The following KLHL1 variants were observed in gnomAD, a reference collection of about 807,000 sequenced individuals.
The protein encoded by KLHL1 is kelch-like protein 1.
KLHL1 carries 47 observed loss-of-function variants against 77.7 expected under a neutral mutation model. That is an observed-to-expected ratio of 0.60 (90% CI 0.48 to 0.77). KLHL1 has a LOEUF of 0.77. Ranked by LOEUF, KLHL1 falls within the 30% of genes least tolerant of loss-of-function variation. The pLI, the probability that KLHL1 is intolerant of heterozygous loss-of-function variation, is 0.00. For missense variants in KLHL1, 925 were observed against 910.8 expected (o/e 1.02, Z -0.20); for synonymous variants, 360 against 325.2 (o/e 1.11, Z -1.15).
rs1285308178 is a variant in KLHL1 at position 70,086,600 on chromosome 13, AAGAAAGAAAG to A, written c.497+20593_497+20602del. Among the ~76,000 whole-genome samples the A allele has an allele frequency of 1.3e-3, 51 of 37,994 alleles. 3 individuals carry two copies. Among genetic ancestry groups the A allele is most frequent in the African/African-American group, 3.2e-3 (36 of 11,162 alleles). The allele number at this position is 37,994 out of a possible 152,430, so 24.9% of individuals were successfully genotyped here. ...AAAAAAAAAAAAAAAAAAAGAAAGA[AAGAAAGAAAG>A]AAAGAAAGAAAGAAAGAAAGAAAAA... is the stretch of plus-strand genomic sequence containing the variant. On this transcript the variant is annotated intron_variant, in intron 1 of 10. Coordinates refer to ENST00000377844, the MANE Select transcript of KLHL1 (RefSeq NM_020866.3).
At chr13:69,780,135 C>A (rs920613172) in intron 7 of KLHL1, among the ~76,000 whole-genome samples, 1 of 152,070 alleles carries the variant, frequency 6.6e-6, no homozygotes, top group Non-Finnish European at 1.5e-5. Flanking sequence ...AATCAGATAT[C>A]CATAAGTATA....
chr13:69,883,706 A>T (rs552097178), intron 4 of KLHL1, among the ~76,000 whole-genome samples: 36 of 152,264 alleles, frequency 2.4e-4, no homozygotes, highest in Non-Finnish European at 3.8e-4. Flanking sequence ...TAATCTCTGT[A>T]GAGAAAAACA....
At chr13:69,815,657 T>C (rs1186248742) in intron 6 of KLHL1, among the ~76,000 whole-genome samples, 1 of 152,084 alleles carries the variant, frequency 6.6e-6, no homozygotes, top group African/African-American at 2.4e-5. Flanking sequence ...AACCTCAGCA[T>C]CACGCAATAT....
chr13:69,857,652 G>A (rs112891018), intron 5 of KLHL1, among the ~76,000 whole-genome samples: 14 of 152,098 alleles, frequency 9.2e-5, no homozygotes, highest in African/African-American at 3.4e-4. Flanking sequence ...TATAAAAGAT[G>A]TATCATAAGT....
chr13:69,966,722 A>C (rs1298205152), intron 2 of KLHL1, among the ~76,000 whole-genome samples: 1 of 152,088 alleles, frequency 6.6e-6, no homozygotes, highest in African/African-American at 2.4e-5. Flanking sequence ...AATAATGTAC[A>C]TTGTACCCAT....
intron 4 of KLHL1, among the ~76,000 whole-genome samples, chr13:69,911,543 C>A (rs901182584): frequency 7.0e-6 from 1 of 143,860 alleles, no homozygotes; most frequent in African/African-American, 2.6e-5. Flanking sequence ...ATCTTGGCTG[C>A]AGCTAGGTAT....
At chr13:69,802,319 A>G (rs1012411092) in intron 6 of KLHL1, among the ~76,000 whole-genome samples, 2 of 152,148 alleles carry the variant, frequency 1.3e-5, no homozygotes, top group Non-Finnish European at 2.9e-5. Context: ...TGGCGCTGCA[A>G]TAAACATACG....
intron 7 of KLHL1, among the ~76,000 whole-genome samples, chr13:69,759,096 C>G (rs1349720285): frequency 6.7e-6 from 1 of 149,756 alleles, no homozygotes; most frequent in East Asian, 2.0e-4. Flanking sequence ...CACCTCCCAG[C>G]AGGGAGGCAA....
At chr13:69,862,309 A>G (rs1880203445) in intron 5 of KLHL1, among the ~76,000 whole-genome samples, 1 of 152,102 alleles carries the variant, frequency 6.6e-6, no homozygotes, top group South Asian at 2.1e-4. Flanking sequence ...AGAGAGAGAG[A>G]GAGAAGCAAA....
At chr13:69,951,820 C>G (rs1255910129) in intron 3 of KLHL1, among the ~76,000 whole-genome samples, 1 of 151,456 alleles carries the variant, frequency 6.6e-6, no homozygotes, top group Admixed American at 6.6e-5. Flanking sequence ...TTCTTGAAAT[C>G]TTCACATCTC....
intron 1 of KLHL1, among the ~76,000 whole-genome samples, chr13:70,081,862 G>T (rs374739657): frequency 6.6e-6 from 1 of 152,262 alleles, no homozygotes; most frequent in African/African-American, 2.4e-5. Flanking sequence ...AATTTGTTAA[G>T]CAGGAATGGA....
chr13:69,795,175 G>C (rs1593839428), intron 7 of KLHL1, among the ~76,000 whole-genome samples: 1 of 152,106 alleles, frequency 6.6e-6, no homozygotes, highest in Admixed American at 6.5e-5. Context: ...TTTTATTGGC[G>C]TGTAAATCAA....
chr13:69,707,626 T>C lies in KLHL1; in HGVS notation c.2186A>G (p.Gln729Arg). 1.9e-6 allele frequency: 3 copies of C among 1,610,058 alleles called. No individual in the cohort carries two copies. Among genetic ancestry groups the C allele is most frequent in the Non-Finnish European group, 2.5e-6 (3 of 1,177,562 alleles). The change falls in exon 10 of 11, where the codon CAG (glutamine) becomes CGG (arginine). Residue 729 changes from glutamine (Q) to arginine (R), a missense_variant and splice_region_variant. Coordinates refer to ENST00000377844, the MANE Select transcript of KLHL1 (RefSeq NM_020866.3). ...SYDPQTNEWT[Q>R]MASLNIGRAG... Reference sequence around the variant, plus strand: ...GAATTATGCTGATGACAATCTTACCTGTGTCCACTCATTAGTTTGTGGGTC... The same window carrying C: ...GAATTATGCTGATGACAATCTTACCCGTGTCCACTCATTAGTTTGTGGGTC...
chr13:69,794,549 AGAG>A (rs1253696974), intron 7 of KLHL1, among the ~76,000 whole-genome samples: 1 of 147,212 alleles, frequency 6.8e-6, no homozygotes, highest in Non-Finnish European at 1.5e-5. Context: ...CAACAGAGAA[AGAG>A]GAGAGAGAGA....
intron 5 of KLHL1, among the ~76,000 whole-genome samples, chr13:69,856,956 T>G (rs1274786929): frequency 1.3e-5 from 2 of 152,044 alleles, no homozygotes; most frequent in Non-Finnish European, 2.9e-5. Flanking sequence ...ATGACCTAAC[T>G]TGTCTACCGT....
intron 9 of KLHL1, among the ~76,000 whole-genome samples, chr13:69,716,616 C>T (rs1259785515): frequency 6.6e-6 from 1 of 152,070 alleles, no homozygotes; most frequent in Non-Finnish European, 1.5e-5. Context: ...TTCACCAGCC[C>T]TCATTACTGG....
At chr13:69,887,677 C>T (rs1476906505) in intron 4 of KLHL1, among the ~76,000 whole-genome samples, 3 of 152,068 alleles carry the variant, frequency 2.0e-5, no homozygotes. Context: ...CTTCAATTAC[C>T]AAAAACCCAT....
chr13:69,828,021 C>G (rs1878615947), intron 6 of KLHL1, among the ~76,000 whole-genome samples: 1 of 150,212 alleles, frequency 6.7e-6, no homozygotes, highest in South Asian at 2.1e-4. Context: ...GTGAAAATGG[C>G]AGATAGGATA....
At chr13:69,941,372 G>A (rs375205136) in intron 3 of KLHL1, among the ~76,000 whole-genome samples, 1 of 151,998 alleles carries the variant, frequency 6.6e-6, no homozygotes, top group African/African-American at 2.4e-5. Context: ...ATGAAATCAA[G>A]GTGGAAATTA....
Sources: gnomAD v4.1 joint callset for allele counts (sites outside exome capture counted in the v4.1 genomes callset) on GRCh38, gnomAD v4.1.1 for gene constraint, MANE v1.5 for transcripts, NCBI Gene and HGNC (gene_info 2026-07-23, HGNC 2026-07-21) for gene names.